Variants in LAMA1 observed in about 807,000 individuals in gnomAD.
The protein encoded by LAMA1 is laminin subunit alpha 1.
Under a neutral mutation model 348.7 loss-of-function variants are expected in LAMA1, and 219 were observed. The observed-to-expected ratio is 0.63, with a 90% confidence interval of 0.56 to 0.70. The LOEUF (loss-of-function observed/expected upper bound fraction) is 0.70. LAMA1 is among the 30% of genes least tolerant of loss of function. The probability of loss-of-function intolerance (pLI) is 0.00; values close to 1 mark genes in which losing one functional copy is unlikely to be tolerated. For synonymous variants in LAMA1, 1,487 were observed against 1,491.0 expected (o/e 1.00, Z 0.06); for missense variants, 3,744 against 3,888.0 (o/e 0.96, Z 0.99).
intron 1 of LAMA1, among the ~76,000 whole-genome samples, chr18:7,098,461 C>T (rs1263663701): frequency 2.6e-5 from 4 of 151,540 alleles, no homozygotes; most frequent in Middle Eastern, 3.4e-3. Flanking sequence ...CCTGCCCGGC[C>T]GCCCATCGTC....
intron 5 of LAMA1, 87 bp downstream of exon 5, chr18:7,048,991 C>T (rs2058052375): frequency 2.2e-6 from 3 of 1,346,814 alleles, no homozygotes; most frequent in Non-Finnish European, 2.1e-6. Flanking sequence ...GAAAGAACAA[C>T]CAAAAAGGAA....
In LAMA1 at chr18:6,949,214, C is replaced by T. The variant is rs771292853; in HGVS notation, c.8443G>A (p.Gly2815Ser). The T allele has an allele frequency of 3.3e-5, 54 of 1,614,048 alleles. No individual in the cohort carries two copies. Among genetic ancestry groups the T allele is most frequent in the Non-Finnish European group, 4.4e-5 (52 of 1,180,036 alleles). The stretch of plus-strand genomic sequence containing the variant: ...ACAGTCACCATGGGAGACTCTCGGC[C>T]GTCGACAGTTATGAAGCCTTTTCTT... Reference protein sequence around the residue: ...VKRKGFITVDGRESPMVTVVG... With the variant: ...VKRKGFITVDSRESPMVTVVG... The change falls in exon 59 of 63, where the codon GGC (glycine) becomes AGC (serine). Residue 2815 changes from glycine to serine, a missense_variant. Physicochemically the swap from Gly to Ser is moderately conservative, Grantham distance 56 (BLOSUM62 0). Coordinates refer to ENST00000389658, the MANE Select transcript of LAMA1 (RefSeq NM_005559.4).
Position 6,980,504 on chromosome 18 carries a change from A to G in LAMA1, c.6007+17T>C. The G allele has an allele frequency of 2.1e-6, 3 of 1,406,770 alleles. No individual in the cohort carries two copies. Among genetic ancestry groups the G allele is most frequent in the South Asian group, 1.2e-5 (1 of 86,822 alleles). The allele number at this position is 1,406,770 out of a possible 1,614,324, so 87.1% of individuals were successfully genotyped here. ...ATGAGAAGACGTTATTTACAGAAGAAAGTCCTTTCCACTTACCTTTAGGAA... is the reference window on the plus strand; with the variant it reads ...ATGAGAAGACGTTATTTACAGAAGAGAGTCCTTTCCACTTACCTTTAGGAA... On this transcript the variant is annotated intron_variant, in intron 42 of 62. Coordinates refer to ENST00000389658, the MANE Select transcript of LAMA1 (RefSeq NM_005559.4).
At position 6,978,290 on chromosome 18, in the gene LAMA1, C is replaced by T; in HGVS notation, c.6096G>A (p.Leu2032=). ...AVSTLRDVAG[L]SQELLNTSAS... ...CAGATGTGTTCAGCAGCTCCTGGCTCAGCCCCGCCACGTCCCTCAGCGTGC... is the reference window on the plus strand; with the variant it reads ...CAGATGTGTTCAGCAGCTCCTGGCTTAGCCCCGCCACGTCCCTCAGCGTGC... The change falls in exon 43 of 63, where the codon CTG becomes CTA. Residue 2032 remains leucine (L), a synonymous_variant. Transcript: ENST00000389658. 1 of 1,614,224 alleles carries T rather than the reference C, an allele frequency of 6.2e-7. No homozygotes were observed. The highest frequency in any genetic ancestry group is 2.2e-5 in the East Asian group (1 of 44,886).
chr18:6,975,898 A>G (rs746534159), intron 45 of LAMA1, 39 bp downstream of exon 45: 12 of 1,613,290 alleles, frequency 7.4e-6, no homozygotes, highest in Non-Finnish European at 1.0e-5. Flanking sequence ...AGAAGTGCAT[A>G]AAAGATTCAG....
chr18:7,024,447 G>T lies in LAMA1; in HGVS notation c.2422C>A (p.Leu808Ile). Residue 808 changes from leucine to isoleucine, a missense_variant, in exon 18 of 63, where the codon CTC (leucine) becomes ATC (isoleucine). Physicochemically the swap from Leu to Ile is conservative, Grantham distance 5. Transcript: ENST00000389658. ...CAGACCACTTCATCTCCATCATTGA[G>T]GTGGCAGGTGGGGCTGAAACTGTCA... The part of the protein sequence containing the change: ...ASNNFSPTCH[L>I]NDGDEVVCDW... The T allele has an allele frequency of 6.2e-7, 1 of 1,613,948 alleles. No individual in the cohort carries two copies. Among genetic ancestry groups the T allele is most frequent in the Non-Finnish European group, 8.5e-7 (1 of 1,179,928 alleles).
intron 20 of LAMA1, 26 bp downstream of exon 20, chr18:7,017,252 G>C (rs749354429): frequency 1.3e-6 from 2 of 1,556,750 alleles, no homozygotes; most frequent in East Asian, 4.5e-5. Context: ...CAAGGCTAAG[G>C]TGTCAATTAG....
At chr18:7,039,090 AGTC>A (rs1414103253) in intron 10 of LAMA1, 140 bp from the exon 11 acceptor site, 2 of 758,818 alleles carry the variant, frequency 2.6e-6, no homozygotes, top group Non-Finnish European at 4.7e-6. Context: ...GGCCTCATAA[AGTC>A]AATATTTCCA....
chr18:7,098,706 CGGG>C (rs1482442963), intron 1 of LAMA1, among the ~76,000 whole-genome samples: 66 of 147,218 alleles, frequency 4.5e-4, no homozygotes, highest in African/African-American at 1.4e-3. Flanking sequence ...CCACCCCATC[CGGG>C]AGGGAGGTGG....
intron 1 of LAMA1, among the ~76,000 whole-genome samples, chr18:7,103,238 A>G (rs1299128556): frequency 6.6e-6 from 1 of 151,736 alleles, no homozygotes; most frequent in Non-Finnish European, 1.5e-5. Flanking sequence ...TAACATGGTG[A>G]ACTAAAAATA....
chr18:6,954,400 G>A (rs1452398394), intron 57 of LAMA1: 2 of 152,590 alleles, frequency 1.3e-5, no homozygotes, highest in African/African-American at 4.8e-5. Flanking sequence ...TTTGGGGCTA[G>A]AGAAGAGGGG....
At chr18:7,089,621 C>T (rs534685313) in intron 1 of LAMA1, among the ~76,000 whole-genome samples, 1 of 152,238 alleles carries the variant, frequency 6.6e-6, no homozygotes, top group African/African-American at 2.4e-5. Flanking sequence ...CTGCCTCCAG[C>T]CCCGGTCCTC....
intron 1 of LAMA1, among the ~76,000 whole-genome samples, chr18:7,085,704 C>T (rs181931471): frequency 6.6e-6 from 1 of 152,100 alleles, no homozygotes; most frequent in Non-Finnish European, 1.5e-5. Flanking sequence ...AGGCGTGAGC[C>T]ACCGCTCCTG....
chr18:7,063,114 T>C (rs2058109082), intron 3 of LAMA1, among the ~76,000 whole-genome samples: 1 of 152,204 alleles, frequency 6.6e-6, no homozygotes, highest in Non-Finnish European at 1.5e-5. Context: ...AATTATGTGT[T>C]TTCTTTCCTT....
chr18:6,978,576 G>A (rs2057694053), intron 42 of LAMA1, among the ~76,000 whole-genome samples, 198 bp from the exon 43 acceptor site: 1 of 151,906 alleles, frequency 6.6e-6, no homozygotes. Flanking sequence ...GTTTCTAATG[G>A]CAATATTAAA....
intron 1 of LAMA1, among the ~76,000 whole-genome samples, chr18:7,114,309 A>G (rs2058347676): frequency 1.3e-5 from 2 of 152,180 alleles, no homozygotes; most frequent in Admixed American, 6.5e-5. Context: ...AATGCTATCC[A>G]TTTTATAGAT....
At chr18:6,964,910 T>C (rs1455017336) in intron 50 of LAMA1, 107 bp from the exon 51 acceptor site, 2 of 1,266,292 alleles carry the variant, frequency 1.6e-6, no homozygotes, top group African/African-American at 1.5e-5. Flanking sequence ...GCATATTCTT[T>C]TAGATTCTGC....
chr18:7,101,532 C>T (rs2058291091), intron 1 of LAMA1, among the ~76,000 whole-genome samples: 1 of 152,190 alleles, frequency 6.6e-6, no homozygotes, highest in Non-Finnish European at 1.5e-5. Flanking sequence ...ATGTGTATTG[C>T]AGAAGTGCGT....
At chr18:7,011,824 G>A (rs747626741) in intron 24 of LAMA1, among the ~76,000 whole-genome samples, 171 bp downstream of exon 24, 1 of 152,190 alleles carries the variant, frequency 6.6e-6, no homozygotes, top group Non-Finnish European at 1.5e-5. Flanking sequence ...TTACTTCCTC[G>A]GCCAGCAGAA....
Sources: allele counts gnomAD v4.1 joint callset (sites outside exome capture counted in the v4.1 genomes callset), GRCh38; gene constraint gnomAD v4.1.1; transcripts MANE v1.5; gene names NCBI Gene and HGNC (gene_info 2026-07-23, HGNC 2026-07-21).